CRLF2: variants seen among roughly 807,000 people sequenced by gnomAD.
CRLF2 encodes cytokine receptor-like factor 2.
Under a neutral mutation model 38.7 loss-of-function variants are expected in CRLF2, and 41 were observed. The observed-to-expected ratio is 1.06, with a 90% confidence interval of 0.83 to 1.37. The LOEUF is 1.37. Among genes scored for constraint, CRLF2 ranks in the 40% most tolerant of loss-of-function variants. The probability of loss-of-function intolerance (pLI) is 0.00; values close to 1 mark genes in which losing one functional copy is unlikely to be tolerated. For synonymous variants in CRLF2, 140 were observed against 128.8 expected (o/e 1.09, Z -0.59); for missense variants, 377 against 322.2 (o/e 1.17, Z -1.30).
intron 4 of CRLF2, chrX:1,199,054 C>A (rs1392830809): frequency 2.4e-6 from 1 of 418,122 alleles, no homozygotes; most frequent in African/African-American, 2.0e-5. Flanking sequence ...GAGGCTGAGG[C>A]AGGAGAATCG....
intron 4 of CRLF2, among the ~76,000 whole-genome samples, chrX:1,200,156 T>TA (rs1440215261): frequency 6.6e-6 from 1 of 151,738 alleles, no homozygotes; most frequent in Non-Finnish European, 1.5e-5. Context: ...CATGTGTGTA[T>TA]ATATACCTGT....
chrX:1,198,793 G>A (rs2086549156), intron 4 of CRLF2, 69 bp from the exon 5 acceptor site: 2 of 1,309,018 alleles, frequency 1.5e-6, no homozygotes, highest in Admixed American at 2.0e-5. Flanking sequence ...AATGATTAGT[G>A]ATGTAACCTG....
At chrX:1,197,330 TC>T (rs2086501107) in intron 5 of CRLF2, among the ~76,000 whole-genome samples, 1 of 151,764 alleles carries the variant, frequency 6.6e-6, no homozygotes, top group Non-Finnish European at 1.5e-5. Context: ...AAATTTTCAT[TC>T]CTATGGAAAA....
chrX:1,196,825 A>C lies in CRLF2; in HGVS notation c.722T>G (p.Leu241Arg). The C allele has an allele frequency of 6.2e-7, 1 of 1,613,492 alleles. No individual in the cohort carries two copies. The highest frequency in any genetic ancestry group is 8.5e-7 in the Non-Finnish European group (1 of 1,179,512). ...KFILISSLAI[L>R]LMVSLLLLSL... Reference sequence around the variant, plus strand: ...CAGAAGGAGGAGAGACACCATCAGAAGGATGGCCAGGCTGGAAATTAAAAT... The same window carrying C: ...CAGAAGGAGGAGAGACACCATCAGACGGATGGCCAGGCTGGAAATTAAAAT... Residue 241 changes from leucine (L) to arginine (R), a missense_variant, in exon 6 of 8, where the codon CTT (leucine) becomes CGT (arginine). Transcript: ENST00000400841.
intron 5 of CRLF2, among the ~76,000 whole-genome samples, chrX:1,197,404 T>C (rs1302210330): frequency 6.6e-6 from 1 of 151,818 alleles, no homozygotes; most frequent in Admixed American, 6.6e-5. Context: ...CCCGAGGAAG[T>C]AAGGGCAGGT....
chrX:1,191,324 T>TTCTTTCTTTCTTTC, intron 7 of CRLF2, among the ~76,000 whole-genome samples, 164 bp from the exon 8 acceptor site: 1 of 116,860 alleles, frequency 8.6e-6, no homozygotes, highest in Non-Finnish European at 1.8e-5. Context: ...TTTCTTTCTT[T>TTCTTTCTTTCTTTC]CTTTCTTTCT....
chrX:1,203,121 A>T lies in CRLF2; in HGVS notation c.350-586T>A, dbSNP rs868065172. 2.1e-3 allele frequency among the ~76,000 whole-genome samples: 291 copies of T among 139,486 alleles called. 2 individuals are homozygous for T. The highest frequency in any genetic ancestry group is 6.5e-3 in the African/African-American group (236 of 36,106). 91.5% of individuals were successfully genotyped at this position (139,486 alleles called of 152,430 possible). The stretch of plus-strand genomic sequence containing the variant: ...AAAAAAAAAAAAAAAAAAAAAAAAA[A>T]GGATCATTATAGATTCAGTTAGTTA... On this transcript the variant is annotated intron_variant, in intron 3 of 7. Transcript: ENST00000400841.
At position 1,190,862 on chromosome X, in the gene CRLF2, G is replaced by A. The variant is rs2086361705; in HGVS notation, c.*35C>T. The A allele has an allele frequency of 7.5e-6, 3 of 398,664 alleles. No individual in the cohort carries two copies. The highest frequency in any genetic ancestry group is 1.3e-5 in the Non-Finnish European group (3 of 226,076). 24.7% of individuals were successfully genotyped at this position (398,664 alleles called of 1,614,324 possible). A position where few individuals can be genotyped will look rare whatever the true frequency, so the allele number is the denominator to read the frequency against. On this transcript the variant is annotated 3_prime_UTR_variant, in exon 8 of 8. Transcript: ENST00000400841. ...CCCCTCTGTCTTTAAATGTCAACGT[G>A]GATCCTGACGTTGACTTTGACAGTG... is the stretch of plus-strand genomic sequence containing the variant.
intron 4 of CRLF2, among the ~76,000 whole-genome samples, chrX:1,200,294 GTGTATATAAGC>G (rs1271231619): frequency 6.8e-6 from 1 of 146,882 alleles, no homozygotes; most frequent in African/African-American, 2.5e-5. Context: ...GTATATATAC[GTGTATATAAGC>G]TGTGCACATA....
At chrX:1,191,358 T>TTTCCTTCCTTCCTTCC (rs2086376601) in intron 7 of CRLF2, among the ~76,000 whole-genome samples, 198 bp from the exon 8 acceptor site, 1 of 103,710 alleles carries the variant, frequency 9.6e-6, no homozygotes, top group African/African-American at 3.4e-5. Context: ...TCTTTCTTTC[T>TTTCCTTCCTTCCTTCC]TTCCTTTCTT....
chrX:1,201,746 C>T (rs2086612583), intron 4 of CRLF2, among the ~76,000 whole-genome samples: 1 of 151,476 alleles, frequency 6.6e-6, no homozygotes, highest in South Asian at 2.1e-4. Context: ...TAGATACATA[C>T]ATAGATAGAT....
At chrX:1,195,990 ATATT>A (rs1485102688) in intron 6 of CRLF2, among the ~76,000 whole-genome samples, 47 of 138,606 alleles carry the variant, frequency 3.4e-4, no homozygotes, top group South Asian at 6.6e-4. Flanking sequence ...ATATTTTTAT[ATATT>A]TATATATATA....
intron 4 of CRLF2, 54 bp downstream of exon 4, chrX:1,202,348 G>A (rs1465568181): frequency 1.0e-5 from 16 of 1,606,258 alleles, no homozygotes; most frequent in Non-Finnish European, 1.0e-5. Context: ...CCCACAGCCC[G>A]CACCTGGGGG....
chrX:1,200,096 CTG>C (rs1392156616), intron 4 of CRLF2, among the ~76,000 whole-genome samples: 7 of 108,272 alleles, frequency 6.5e-5, no homozygotes, highest in African/African-American at 1.9e-4. Flanking sequence ...TGTATATAAG[CTG>C]TGTGTGTATA....
chrX:1,208,540 G>A (rs1197683045), intron 2 of CRLF2, among the ~76,000 whole-genome samples: 11 of 152,022 alleles, frequency 7.2e-5, no homozygotes, highest in Non-Finnish European at 1.5e-4. Flanking sequence ...GCGTGGCAAC[G>A]GAGTGAGACT....
At chrX:1,210,899 A>G (rs2086785470) in intron 1 of CRLF2, among the ~76,000 whole-genome samples, 1 of 150,350 alleles carries the variant, frequency 6.7e-6, no homozygotes. Context: ...ATGGATGAAT[A>G]AATGGATGAA....
Position 1,193,309 on chromosome X carries a change from T to G in CRLF2, c.768-7A>C. 1 of 398,558 alleles carries G rather than the reference T, an allele frequency of 2.5e-6. No homozygotes were observed. 24.7% of individuals were successfully genotyped at this position (398,558 alleles called of 1,614,324 possible). A position where few individuals can be genotyped will look rare whatever the true frequency, so the allele number is the denominator to read the frequency against. ...AATGAGAAACTTCTTCACTCTGAAA[T>G]AGAGACGGAGAGCGTGGTCAGGTCG... On this transcript the variant is annotated splice_polypyrimidine_tract_variant and splice_region_variant and intron_variant, in intron 6 of 7. Coordinates refer to ENST00000400841, the MANE Select transcript of CRLF2 (RefSeq NM_022148.4).
chrX:1,204,150 C>CTGTGTGTGTGTGTGTGTGTG (rs782552615), intron 3 of CRLF2, among the ~76,000 whole-genome samples: 22,762 of 124,210 alleles, frequency 0.18, 2,789 homozygotes, highest in East Asian at 0.24. Context: ...CCAGCTCACT[C>CTGTGTGTGTGTGTGTGTGTG]TGTGTGTGTG....
chrX:1,202,790 C>A (rs1165084513), intron 3 of CRLF2, among the ~76,000 whole-genome samples: 1 of 151,914 alleles, frequency 6.6e-6, no homozygotes, highest in Admixed American at 6.6e-5. Context: ...TAAATTAAGT[C>A]CCCCACAAAA....
Sources: allele counts gnomAD v4.1 joint callset (sites outside exome capture counted in the v4.1 genomes callset), GRCh38; gene constraint gnomAD v4.1.1; transcripts MANE v1.5; gene names NCBI Gene and HGNC (gene_info 2026-07-23, HGNC 2026-07-21).